GRM7: variants seen among roughly 807,000 people sequenced by gnomAD.
GRM7 encodes the protein glutamate metabotropic receptor 7.
GRM7 carries 35 observed loss-of-function variants against 84.5 expected under a neutral mutation model. That is an observed-to-expected ratio of 0.41 (90% CI 0.32 to 0.55). The LOEUF is 0.55. Ranked by LOEUF, GRM7 falls within the 20% of genes least tolerant of loss-of-function variation. GRM7 has a pLI of 0.19. For missense variants in GRM7, 1,003 were observed against 1,194.6 expected (o/e 0.84, Z 2.36); for synonymous variants, 487 against 455.1 (o/e 1.07, Z -0.89).
At chr3:7,485,143 A>G (rs776072259) in intron 7 of GRM7, among the ~76,000 whole-genome samples, 3 of 152,212 alleles carry the variant, frequency 2.0e-5, no homozygotes, top group African/African-American at 7.2e-5. Flanking sequence ...CTATAACCAT[A>G]AAAGAGACTG....
intron 1 of GRM7, among the ~76,000 whole-genome samples, chr3:7,103,850 C>T (rs28634155): frequency 6.3e-5 from 5 of 79,964 alleles, no homozygotes; most frequent in South Asian, 3.7e-4. Flanking sequence ...CCCTCTCTCT[C>T]TCTCTCTTTC....
intron 1 of GRM7, among the ~76,000 whole-genome samples, chr3:6,865,243 G>A (rs1181822062): frequency 2.0e-5 from 3 of 152,132 alleles, no homozygotes; most frequent in South Asian, 4.1e-4. Flanking sequence ...TTGACTATAA[G>A]TAACATATTT....
chr3:7,135,756 AAGGG>A (rs925802043), intron 1 of GRM7, among the ~76,000 whole-genome samples: 1 of 152,148 alleles, frequency 6.6e-6, no homozygotes, highest in Non-Finnish European at 1.5e-5. Flanking sequence ...ATAATACAAA[AAGGG>A]AGGAAGTTAA....
chr3:7,116,915 T>G (rs1023077375), intron 1 of GRM7, among the ~76,000 whole-genome samples: 4 of 152,210 alleles, frequency 2.6e-5, no homozygotes, highest in African/African-American at 9.6e-5. Context: ...TTGCTCTACT[T>G]GGCAATATTT....
At chr3:7,168,153 G>T (rs533095920) in intron 2 of GRM7, among the ~76,000 whole-genome samples, 1 of 152,036 alleles carries the variant, frequency 6.6e-6, no homozygotes, top group Non-Finnish European at 1.5e-5. Context: ...CACCCCTTTA[G>T]TTTCTCAGCA....
chr3:7,739,104 T>C (rs369115032), intron 9 of GRM7, among the ~76,000 whole-genome samples: 4 of 152,208 alleles, frequency 2.6e-5, no homozygotes, highest in African/African-American at 4.8e-5. Flanking sequence ...TGGTTTAATA[T>C]AGAAATAAGT....
intron 1 of GRM7, among the ~76,000 whole-genome samples, chr3:6,940,003 A>G (rs1697830647): frequency 6.6e-6 from 1 of 152,224 alleles, no homozygotes; most frequent in African/African-American, 2.4e-5. Context: ...AAATTAAACA[A>G]CTATAATAAG....
intron 4 of GRM7, among the ~76,000 whole-genome samples, chr3:7,397,273 G>A (rs570408288): frequency 2.6e-5 from 4 of 152,106 alleles, no homozygotes; most frequent in South Asian, 2.1e-4. Context: ...TTAAGGAACA[G>A]TGTGTCATAC....
intron 8 of GRM7, among the ~76,000 whole-genome samples, chr3:7,598,242 G>T (rs1411395505): frequency 2.0e-5 from 3 of 152,216 alleles, no homozygotes; most frequent in Non-Finnish European, 4.4e-5. Flanking sequence ...TTTCATGAAA[G>T]TTGGGTAGCT....
chr3:7,518,061 A>G (rs1700457471), intron 7 of GRM7, among the ~76,000 whole-genome samples: 1 of 152,142 alleles, frequency 6.6e-6, no homozygotes, highest in Non-Finnish European at 1.5e-5. Context: ...TCTATCCACT[A>G]CGGTGAGGAT....
At chr3:7,614,992 G>T (rs983855703) in intron 8 of GRM7, among the ~76,000 whole-genome samples, 1 of 152,090 alleles carries the variant, frequency 6.6e-6, no homozygotes, top group Non-Finnish European at 1.5e-5. Context: ...TACCCTTTGG[G>T]CAGTGTTTGT....
At chr3:7,070,556 G>A (rs1421929953) in intron 1 of GRM7, among the ~76,000 whole-genome samples, 5 of 151,968 alleles carry the variant, frequency 3.3e-5, no homozygotes, top group African/African-American at 1.2e-4. Context: ...TGTTCACGTA[G>A]GATTTGTTCC....
chr3:7,447,371 G>A (rs1697562100), intron 5 of GRM7, among the ~76,000 whole-genome samples: 1 of 152,114 alleles, frequency 6.6e-6, no homozygotes, highest in Non-Finnish European at 1.5e-5. Context: ...TGTGTTTAAT[G>A]CTAGTCCCTT....
At chr3:7,095,079 A>C (rs1406728058) in intron 1 of GRM7, among the ~76,000 whole-genome samples, 1 of 151,956 alleles carries the variant, frequency 6.6e-6, no homozygotes, top group Non-Finnish European at 1.5e-5. Context: ...CTATAATAGA[A>C]TCTCTTGGTC....
At chr3:6,970,731 G>C (rs1466133326) in intron 1 of GRM7, among the ~76,000 whole-genome samples, 2 of 152,210 alleles carry the variant, frequency 1.3e-5, no homozygotes, top group Non-Finnish European at 2.9e-5. Context: ...TGTAATCCCA[G>C]CACTTTGGGA....
chr3:7,705,323 G>A (rs1047710247), intron 9 of GRM7, among the ~76,000 whole-genome samples: 1 of 152,090 alleles, frequency 6.6e-6, no homozygotes, highest in African/African-American at 2.4e-5. Flanking sequence ...TTTCAGAGTG[G>A]CAGCTGCTAG....
chr3:7,693,980 T>C (rs985430151), intron 9 of GRM7, among the ~76,000 whole-genome samples: 2 of 152,222 alleles, frequency 1.3e-5, no homozygotes, highest in African/African-American at 4.8e-5. Flanking sequence ...ATTGTTCTAC[T>C]GTGATGCAAT....
rs114836490 is a variant in GRM7, at chr3:7,696,975, T to C, written c.2698+16680T>C. Among the ~76,000 whole-genome samples, 253 of 152,222 alleles carry C rather than the reference T, an allele frequency of 1.7e-3. 1 individual carries two copies. Among genetic ancestry groups the C allele is most frequent in the Admixed American group, 4.4e-3 (67 of 15,282 alleles). On this transcript the variant is annotated intron_variant, in intron 9 of 9. Coordinates refer to ENST00000357716, the MANE Select transcript of GRM7 (RefSeq NM_000844.4). ...TTCCAGGCCAGTTCTATCAATCGGG[T>C]TGAGTACACTACAGCTAAAGATAAA...
chr3:7,366,873 A>G (rs1472573573), intron 4 of GRM7, among the ~76,000 whole-genome samples: 1 of 36 alleles, frequency 0.028, no homozygotes, highest in East Asian at 0.5. Flanking sequence ...ATAAGAAATA[A>G]AGTTTTAATA....
Sources: gnomAD v4.1 joint callset for allele counts (sites outside exome capture counted in the v4.1 genomes callset) on GRCh38, gnomAD v4.1.1 for gene constraint, MANE v1.5 for transcripts, NCBI Gene and HGNC (gene_info 2026-07-23, HGNC 2026-07-21) for gene names.